Variants in TESK2 observed in about 807,000 individuals in gnomAD.
The protein encoded by TESK2 is dual specificity testis-specific protein kinase 2.
TESK2 carries 39 observed loss-of-function variants against 57.1 expected under a neutral mutation model. The ratio of observed to expected loss-of-function variants is 0.68; its 90% CI spans 0.53 to 0.89. The LOEUF (loss-of-function observed/expected upper bound fraction) is 0.89, where lower values mean the gene tolerates loss of function less well. Among genes scored for constraint, TESK2 ranks in the 40% least tolerant of loss-of-function variants. The probability of loss-of-function intolerance (pLI) is 0.00; values close to 1 mark genes in which losing one functional copy is unlikely to be tolerated. For synonymous variants in TESK2, 249 were observed against 267.9 expected, an observed-to-expected ratio of 0.93 and a Z score of 0.69; for missense variants, 646 against 732.1, an observed-to-expected ratio of 0.88 and a Z score of 1.36.
In TESK2 at chr1:45,434,951, TTTTC is replaced by T. The variant is rs959758367; in HGVS notation, c.223-13109_223-13106del. Among the ~76,000 whole-genome samples the T allele has an allele frequency of 1.4e-4, 19 of 137,634 alleles. 1 individual carries two copies. The highest frequency in any genetic ancestry group is 3.3e-4 in the African/African-American group (13 of 39,022). 90.3% of individuals were successfully genotyped at this position (137,634 alleles called of 152,430 possible). ...GTCTTGAAGTGTTTCCTCTGTTTAC[TTTTC>T]TTTCTTTTTTTTTTTTTTCTTTTTT... On this transcript the variant is annotated intron_variant, in intron 2 of 10. Coordinates refer to ENST00000372086, the MANE Select transcript of TESK2 (RefSeq NM_007170.3).
intron 1 of TESK2, among the ~76,000 whole-genome samples, chr1:45,482,347 G>A (rs1441676361): frequency 6.6e-6 from 1 of 151,966 alleles, no homozygotes; most frequent in Non-Finnish European, 1.5e-5. Context: ...CGGTAACATA[G>A]TGAGACCATG....
At chr1:45,458,303 G>A (rs1315617858) in intron 1 of TESK2, among the ~76,000 whole-genome samples, 1 of 152,164 alleles carries the variant, frequency 6.6e-6, no homozygotes, top group African/African-American at 2.4e-5. Flanking sequence ...AGTGGCTCAC[G>A]CCTGTAATCC....
intron 1 of TESK2, among the ~76,000 whole-genome samples, chr1:45,484,923 C>T (rs1246612215): frequency 1.3e-5 from 2 of 150,612 alleles, no homozygotes; most frequent in African/African-American, 4.9e-5. Flanking sequence ...CCCAGCTACT[C>T]GGGAGGCCGA....
intron 4 of TESK2, among the ~76,000 whole-genome samples, chr1:45,360,157 C>G (rs1280400342): frequency 6.6e-6 from 1 of 152,126 alleles, no homozygotes; most frequent in African/African-American, 2.4e-5. Context: ...AGCACAGCGC[C>G]TTGCTCTCTT....
chr1:45,384,918 A>G (rs1417578), intron 4 of TESK2, among the ~76,000 whole-genome samples: 55,065 of 151,806 alleles, frequency 0.36, 11,883 homozygotes, highest in African/African-American at 0.59. Flanking sequence ...GCATAGCTGC[A>G]CACATTCCAC....
At chr1:45,415,395 T>A (rs1650197760) in intron 3 of TESK2, 1 of 833,448 alleles carries the variant, frequency 1.2e-6, no homozygotes, top group Admixed American at 1.9e-5. Context: ...CTTCTGTGGC[T>A]CAGGAGAGCA....
intron 3 of TESK2, among the ~76,000 whole-genome samples, chr1:45,402,451 T>G (rs1209135797): frequency 6.7e-6 from 1 of 150,016 alleles, no homozygotes; most frequent in Admixed American, 6.6e-5. Flanking sequence ...ATGCAAAGAT[T>G]GATGAAACCT....
At chr1:45,488,182 G>A (rs1432326461) in intron 1 of TESK2, among the ~76,000 whole-genome samples, 1 of 151,964 alleles carries the variant, frequency 6.6e-6, no homozygotes, top group Non-Finnish European at 1.5e-5. Context: ...CCAAAGTGCT[G>A]GGATTAAAAA....
At chr1:45,365,011 A>G (rs545456514) in intron 4 of TESK2, among the ~76,000 whole-genome samples, 50 of 152,328 alleles carry the variant, frequency 3.3e-4, no homozygotes, top group African/African-American at 1.2e-3. Context: ...CCTAGTTTTC[A>G]CTGTAGCCCA....
At chr1:45,430,628 TTGA>T (rs1650909964) in intron 2 of TESK2, among the ~76,000 whole-genome samples, 1 of 152,224 alleles carries the variant, frequency 6.6e-6, no homozygotes, top group African/African-American at 2.4e-5. Context: ...GAGAGAGCAC[TTGA>T]TGATGAGACA....
chr1:45,474,379 C>A (rs1436810778), intron 1 of TESK2, among the ~76,000 whole-genome samples: 1 of 152,172 alleles, frequency 6.6e-6, no homozygotes, highest in African/African-American at 2.4e-5. Context: ...GTAATCCCAG[C>A]ACTTTGGGAG....
chr1:45,468,570 T>C (rs1652645713), intron 1 of TESK2, among the ~76,000 whole-genome samples: 1 of 152,206 alleles, frequency 6.6e-6, no homozygotes, highest in African/African-American at 2.4e-5. Flanking sequence ...ATACATTATT[T>C]CAAATATATG....
chr1:45,454,239 T>C (rs1651982901), intron 2 of TESK2, among the ~76,000 whole-genome samples: 1 of 152,008 alleles, frequency 6.6e-6, no homozygotes, highest in African/African-American at 2.4e-5. Flanking sequence ...AGGATAGTGG[T>C]TGCCAGGGGT....
chr1:45,473,622 T>C (rs1652859455), intron 1 of TESK2, among the ~76,000 whole-genome samples: 1 of 152,100 alleles, frequency 6.6e-6, no homozygotes, highest in Non-Finnish European at 1.5e-5. Context: ...AAAGTTCTGG[T>C]TGTTAAAAAG....
intron 4 of TESK2, among the ~76,000 whole-genome samples, chr1:45,375,492 C>A (rs1648366853): frequency 1.3e-5 from 2 of 149,056 alleles, no homozygotes; most frequent in South Asian, 4.2e-4. Context: ...TTTTATGAGG[C>A]CTTCCCTGTC....
intron 1 of TESK2, among the ~76,000 whole-genome samples, chr1:45,488,528 A>G (rs1653578202): frequency 6.6e-6 from 1 of 152,212 alleles, no homozygotes; most frequent in African/African-American, 2.4e-5. Context: ...AGAAAAACAC[A>G]CATGTGCCAT....
At chr1:45,385,420 G>T in intron 4 of TESK2, 1 of 804,004 alleles carries the variant, frequency 1.2e-6, no homozygotes, top group Non-Finnish European at 1.5e-6. Context: ...CAAGTAATAA[G>T]ACCAACCAGG....
At chr1:45,442,327 C>A (rs1651478158) in intron 2 of TESK2, among the ~76,000 whole-genome samples, 1 of 151,498 alleles carries the variant, frequency 6.6e-6, no homozygotes, top group African/African-American at 2.4e-5. Flanking sequence ...TGATACTTTG[C>A]TGTGGGATGG....
chr1:45,418,920 A>C (rs1178516989), intron 3 of TESK2, among the ~76,000 whole-genome samples: 4 of 152,062 alleles, frequency 2.6e-5, no homozygotes, highest in Admixed American at 1.3e-4. Context: ...AAAAATTAAA[A>C]GTAATTTAAA....
Sources: gnomAD v4.1 joint callset for allele counts (sites outside exome capture counted in the v4.1 genomes callset) on GRCh38, gnomAD v4.1.1 for gene constraint, MANE v1.5 for transcripts, NCBI Gene and HGNC (gene_info 2026-07-23, HGNC 2026-07-21) for gene names.